Variants in ADAMTS12 observed in about 807,000 individuals in gnomAD.
ADAMTS12 encodes the protein A disintegrin and metalloproteinase with thrombospondin motifs 12.
Under a neutral mutation model 167.8 loss-of-function variants are expected in ADAMTS12, and 118 were observed. The ratio of observed to expected loss-of-function variants is 0.70; its 90% confidence interval spans 0.61 to 0.82. The LOEUF (loss-of-function observed/expected upper bound fraction) is 0.82. Among genes scored for constraint, ADAMTS12 ranks in the 40% least tolerant of loss-of-function variants. ADAMTS12 has a pLI of 0.00. For synonymous variants in ADAMTS12, 704 were observed against 716.9 expected (o/e 0.98, Z 0.29); for missense variants, 1,916 against 1,998.8 (o/e 0.96, Z 0.79).
chr5:33,801,984 G>A (rs545071750), intron 2 of ADAMTS12, among the ~76,000 whole-genome samples: 1 of 152,296 alleles, frequency 6.6e-6, no homozygotes, highest in Middle Eastern at 3.4e-3. Context: ...TTGGGAAGGC[G>A]ATCAGGCCAT....
intron 23 of ADAMTS12, among the ~76,000 whole-genome samples, chr5:33,532,443 T>C (rs1744150782): frequency 6.6e-6 from 1 of 152,134 alleles, no homozygotes; most frequent in Admixed American, 6.5e-5. Flanking sequence ...TGTTCATCTG[T>C]ATCAACATTG....
chr5:33,818,102 C>T (rs1449464710), intron 2 of ADAMTS12, among the ~76,000 whole-genome samples: 2 of 152,092 alleles, frequency 1.3e-5, no homozygotes, highest in South Asian at 4.1e-4. Context: ...CACATAGTTA[C>T]TTTGTTGTGA....
chr5:33,530,000 A>G (rs1021468524), intron 23 of ADAMTS12, among the ~76,000 whole-genome samples: 1 of 151,928 alleles, frequency 6.6e-6, no homozygotes, highest in Admixed American at 6.5e-5. Flanking sequence ...GCTCACTGCA[A>G]CCTCTGCCTC....
chr5:33,742,547 G>GT (rs1744629894), intron 3 of ADAMTS12, among the ~76,000 whole-genome samples: 1 of 152,134 alleles, frequency 6.6e-6, no homozygotes. Context: ...CTTGCCCCAG[G>GT]TAAGACTGAT....
At chr5:33,679,086 G>A (rs1427367535) in intron 5 of ADAMTS12, among the ~76,000 whole-genome samples, 2 of 152,164 alleles carry the variant, frequency 1.3e-5, no homozygotes, top group Non-Finnish European at 2.9e-5. Context: ...GTGGAAGTAG[G>A]CAGGTTTTGA....
chr5:33,716,461 A>G (rs961732597), intron 3 of ADAMTS12, among the ~76,000 whole-genome samples: 3 of 152,142 alleles, frequency 2.0e-5, no homozygotes, highest in African/African-American at 7.2e-5. Flanking sequence ...TTGTGTATCT[A>G]TCTAGCTCAG....
At chr5:33,765,738 C>T (rs1019849375) in intron 2 of ADAMTS12, among the ~76,000 whole-genome samples, 1 of 152,232 alleles carries the variant, frequency 6.6e-6, no homozygotes, top group South Asian at 2.1e-4. Flanking sequence ...GATAATGGCT[C>T]TTGCCTCTTT....
chr5:33,730,326 G>GTGTGTC (rs1554038451), intron 3 of ADAMTS12, among the ~76,000 whole-genome samples: 5 of 150,598 alleles, frequency 3.3e-5, no homozygotes, highest in African/African-American at 7.4e-5. Context: ...GTGTGTCTGT[G>GTGTGTC]TGTGTGTTTC....
chr5:33,632,899 C>T (rs770378075), intron 12 of ADAMTS12, among the ~76,000 whole-genome samples: 4 of 152,068 alleles, frequency 2.6e-5, no homozygotes, highest in African/African-American at 4.8e-5. Flanking sequence ...ATGTTCATTG[C>T]GGCAACGGAA....
At chr5:33,533,008 C>G (rs1744192814) in intron 23 of ADAMTS12, among the ~76,000 whole-genome samples, 1 of 152,194 alleles carries the variant, frequency 6.6e-6, no homozygotes, top group South Asian at 2.1e-4. Context: ...TCAAAAGAAG[C>G]TAGTAATTAA....
At chr5:33,641,770 C>A (rs762134254) in intron 11 of ADAMTS12, 40 bp downstream of exon 11, 11 of 1,518,396 alleles carry the variant, frequency 7.2e-6, no homozygotes, top group Middle Eastern at 1.8e-4. Context: ...CCGCCCCCAG[C>A]ACATGTGGAG....
intron 2 of ADAMTS12, among the ~76,000 whole-genome samples, chr5:33,822,216 A>G (rs768431652): frequency 2.0e-5 from 3 of 152,016 alleles, no homozygotes; most frequent in Non-Finnish European, 4.4e-5. Flanking sequence ...TTTTATTTTA[A>G]TGCCTTGAAA....
At chr5:33,592,258 CA>C (rs1344917541) in intron 17 of ADAMTS12, among the ~76,000 whole-genome samples, 2 of 137,944 alleles carry the variant, frequency 1.4e-5, no homozygotes, top group Non-Finnish European at 3.0e-5. Context: ...AAACAAAAAA[CA>C]AAAAAACAAA....
chr5:33,710,365 A>T (rs1217739109), intron 3 of ADAMTS12, among the ~76,000 whole-genome samples: 1 of 152,184 alleles, frequency 6.6e-6, no homozygotes, highest in African/African-American at 2.4e-5. Flanking sequence ...TGCAGTTTCC[A>T]CCACTGGAGC....
intron 12 of ADAMTS12, among the ~76,000 whole-genome samples, 185 bp downstream of exon 12, chr5:33,637,392 T>C (rs1210873122): frequency 6.6e-6 from 1 of 152,202 alleles, no homozygotes; most frequent in Non-Finnish European, 1.5e-5. Flanking sequence ...GTTGAATGTA[T>C]TCAGCCTTCA....
chr5:33,646,096 AG>A (rs1309289144), intron 9 of ADAMTS12, among the ~76,000 whole-genome samples: 1 of 152,186 alleles, frequency 6.6e-6, no homozygotes, highest in Non-Finnish European at 1.5e-5. Flanking sequence ...CAGAGAATGG[AG>A]GCTGTTCACG....
intron 2 of ADAMTS12, among the ~76,000 whole-genome samples, chr5:33,784,194 G>A (rs1746248706): frequency 6.6e-6 from 1 of 151,732 alleles, no homozygotes. Context: ...AGAAATATGA[G>A]GGAGAATTTT....
intron 2 of ADAMTS12, among the ~76,000 whole-genome samples, chr5:33,836,835 C>G (rs994029733): frequency 6.6e-6 from 1 of 152,100 alleles, no homozygotes; most frequent in African/African-American, 2.4e-5. Context: ...TGGCCAGAGC[C>G]TAGAGGGCTG....
At chr5:33,827,446 C>T (rs927243166) in intron 2 of ADAMTS12, among the ~76,000 whole-genome samples, 2 of 152,076 alleles carry the variant, frequency 1.3e-5, no homozygotes, top group Admixed American at 1.3e-4. Flanking sequence ...GTCTGTGCTG[C>T]CCTAAGCCAA....
Sources: allele counts gnomAD v4.1 joint callset (sites outside exome capture counted in the v4.1 genomes callset), GRCh38; gene constraint gnomAD v4.1.1; transcripts MANE v1.5; gene names NCBI Gene and HGNC (gene_info 2026-07-23, HGNC 2026-07-21).